The following KCNMA1 variants were observed in gnomAD, a reference collection of about 807,000 sequenced individuals.
KCNMA1 encodes the protein Calcium-activated potassium channel subunit alpha-1.
In KCNMA1, 29 loss-of-function variants were observed where a neutral mutation model predicts 140.0. The observed-to-expected ratio is 0.21, with a 90% CI of 0.15 to 0.28. KCNMA1 has a LOEUF of 0.28. Ranked by LOEUF, KCNMA1 falls within the 10% of genes least tolerant of loss-of-function variation. KCNMA1 has a pLI of 1.00. For missense variants in KCNMA1, 880 were observed against 1,602.2 expected, an observed-to-expected ratio of 0.55 and a Z score of 7.70; for synonymous variants, 612 against 611.9, an observed-to-expected ratio of 1.00 and a Z score of 0.00.
intron 20 of KCNMA1, among the ~76,000 whole-genome samples, chr10:76,962,330 G>A (rs2071879862): frequency 6.6e-6 from 1 of 152,118 alleles, no homozygotes; most frequent in African/African-American, 2.4e-5. Flanking sequence ...TCTTTTCTCT[G>A]CTTGATTTTC....
chr10:77,106,107 A>T (rs2097192547), intron 9 of KCNMA1, among the ~76,000 whole-genome samples: 1 of 152,146 alleles, frequency 6.6e-6, no homozygotes, highest in Non-Finnish European at 1.5e-5. Context: ...TCTTTAAACT[A>T]CTTAGTAATT....
intron 1 of KCNMA1, among the ~76,000 whole-genome samples, chr10:77,586,752 T>C (rs559080604): frequency 6.6e-6 from 1 of 152,348 alleles, no homozygotes; most frequent in Admixed American, 6.5e-5. Context: ...AGTGGAGTAC[T>C]TATTTGTCAA....
At chr10:76,899,591 G>A (rs1457524869) in intron 25 of KCNMA1, among the ~76,000 whole-genome samples, 1 of 152,140 alleles carries the variant, frequency 6.6e-6, no homozygotes, top group East Asian at 1.9e-4. Flanking sequence ...TCAGAGTTAA[G>A]TAGTTGTGAC....
intron 1 of KCNMA1, among the ~76,000 whole-genome samples, chr10:77,508,581 C>CTTTTTTTTT (rs761735012): frequency 7.0e-5 from 7 of 99,870 alleles, no homozygotes; most frequent in East Asian, 3.7e-4. Context: ...TTTTTCTTTT[C>CTTTTTTTTT]TTTTTTTTTT....
At chr10:77,429,228 T>C (rs1477258366) in intron 1 of KCNMA1, among the ~76,000 whole-genome samples, 2 of 152,120 alleles carry the variant, frequency 1.3e-5, no homozygotes, top group Non-Finnish European at 2.9e-5. Context: ...ATCCCCCAAG[T>C]GTTAGAGCCA....
At chr10:77,187,802 A>G (rs2098888657) in intron 3 of KCNMA1, among the ~76,000 whole-genome samples, 1 of 151,936 alleles carries the variant, frequency 6.6e-6, no homozygotes, top group Admixed American at 6.6e-5. Flanking sequence ...TCAAGTGGCA[A>G]CAGAACTGTT....
At chr10:77,060,887 C>G (rs2095716826) in intron 14 of KCNMA1, among the ~76,000 whole-genome samples, 1 of 152,052 alleles carries the variant, frequency 6.6e-6, no homozygotes, top group Non-Finnish European at 1.5e-5. Flanking sequence ...TGGTCAGCCT[C>G]CAGAAGCTAG....
At chr10:76,975,732 C>T (rs751168743) in intron 19 of KCNMA1, among the ~76,000 whole-genome samples, 1 of 152,174 alleles carries the variant, frequency 6.6e-6, no homozygotes, top group Non-Finnish European at 1.5e-5. Context: ...TTGAATAGCA[C>T]ATATCACTAA....
intron 2 of KCNMA1, among the ~76,000 whole-genome samples, chr10:77,324,392 C>A (rs1351255207): frequency 6.6e-6 from 1 of 152,162 alleles, no homozygotes; most frequent in Non-Finnish European, 1.5e-5. Flanking sequence ...GTACCCAGTA[C>A]CAAGCCTGGT....
intron 2 of KCNMA1, among the ~76,000 whole-genome samples, chr10:77,362,247 A>G (rs2094011106): frequency 1.3e-5 from 2 of 151,950 alleles, no homozygotes; most frequent in African/African-American, 4.8e-5. Flanking sequence ...CTTCCGATCC[A>G]TTGTCCCTTC....
At chr10:76,994,642 C>A (rs2083678150) in intron 19 of KCNMA1, among the ~76,000 whole-genome samples, 1 of 152,214 alleles carries the variant, frequency 6.6e-6, no homozygotes, top group Non-Finnish European at 1.5e-5. Context: ...GTATGCCTCC[C>A]TCTGTCTCTC....
chr10:77,595,505 C>T (rs1195274213), intron 1 of KCNMA1, among the ~76,000 whole-genome samples: 2 of 152,134 alleles, frequency 1.3e-5, no homozygotes, highest in Non-Finnish European at 2.9e-5. Flanking sequence ...CTGTGTTCAA[C>T]CTGTTTGTGG....
intron 1 of KCNMA1, among the ~76,000 whole-genome samples, chr10:77,452,122 G>A (rs562789723): frequency 3.3e-5 from 5 of 152,158 alleles, no homozygotes; most frequent in South Asian, 2.1e-4. Flanking sequence ...CCTTTCCCCC[G>A]CCCTCCCACC....
At chr10:76,996,479 G>A (rs1317549370) in intron 19 of KCNMA1, among the ~76,000 whole-genome samples, 5 of 152,190 alleles carry the variant, frequency 3.3e-5, no homozygotes, top group African/African-American at 1.2e-4. Flanking sequence ...CTGCCACTCT[G>A]TTTTTACTTC....
intron 21 of KCNMA1, chr10:76,951,897 T>C: frequency 1.2e-6 from 1 of 827,306 alleles, no homozygotes; most frequent in South Asian, 1.7e-5. Flanking sequence ...CCCACCCTGC[T>C]AGAACACAAG....
intron 2 of KCNMA1, chr10:77,354,429 C>G (rs1472251051): frequency 6.6e-6 from 1 of 152,192 alleles, no homozygotes; most frequent in African/African-American, 2.4e-5. Context: ...TCTGGGGAGG[C>G]TCCCCTTTTT....
At chr10:77,304,056 G>A (rs1008732420) in intron 2 of KCNMA1, among the ~76,000 whole-genome samples, 8 of 152,158 alleles carry the variant, frequency 5.3e-5, no homozygotes, top group African/African-American at 1.9e-4. Context: ...AGGCCAACAC[G>A]AAGGAATTGT....
chr10:76,920,018 G>GTATATGTATA, intron 23 of KCNMA1, among the ~76,000 whole-genome samples: 1 of 43,584 alleles, frequency 2.3e-5, no homozygotes, highest in Non-Finnish European at 4.0e-5. Context: ...GTGTGTGTGT[G>GTATATGTATA]TGTATATATA....
chr10:77,079,024 A>G (rs1014866002), intron 13 of KCNMA1, among the ~76,000 whole-genome samples: 1 of 152,126 alleles, frequency 6.6e-6, no homozygotes, highest in African/African-American at 2.4e-5. Flanking sequence ...TAATCCCAGC[A>G]CTTTGGGAGG....
Sources: gnomAD v4.1 joint callset for allele counts (sites outside exome capture counted in the v4.1 genomes callset) on GRCh38, gnomAD v4.1.1 for gene constraint, MANE v1.5 for transcripts, NCBI Gene and HGNC (gene_info 2026-07-23, HGNC 2026-07-21) for gene names.